The following SLC25A43 variants were observed in gnomAD, a reference collection of about 807,000 sequenced individuals.
SLC25A43 encodes the protein solute carrier family 25 member 43.
In SLC25A43, 10 loss-of-function variants were observed where a neutral mutation model predicts 22.8. That is an observed-to-expected ratio of 0.44 (90% confidence interval 0.27 to 0.74). The LOEUF is 0.74. Ranked by LOEUF, SLC25A43 falls within the 30% of genes least tolerant of loss-of-function variation. SLC25A43 has a pLI of 0.17. For synonymous variants in SLC25A43, 106 were observed against 121.6 expected, an observed-to-expected ratio of 0.87 and a Z score of 0.84; for missense variants, 233 against 279.1, an observed-to-expected ratio of 0.83 and a Z score of 1.18.
Position 119,399,453 on chromosome X carries a change from T to C in SLC25A43, c.50T>C (p.Leu17Pro). The C allele has an allele frequency of 9.6e-7, 1 of 1,043,247 alleles. No individual in the cohort carries two copies. Among genetic ancestry groups the C allele is most frequent in the Non-Finnish European group, 1.2e-6 (1 of 814,969 alleles). 86.0% of individuals were successfully genotyped at this position (1,043,247 alleles called of 1,213,427 possible). A position where few individuals can be genotyped will look rare whatever the true frequency, so the allele number is the denominator to read the frequency against. The change falls in exon 1 of 5, where the codon CTG becomes CCG. Residue 17 changes from leucine to proline, a missense_variant. Coordinates refer to ENST00000217909, the MANE Select transcript of SLC25A43 (RefSeq NM_145305.3). Reference protein sequence around the residue: ...DGRLTGGQRLLCAGLAGTLSL... With the variant: ...DGRLTGGQRLPCAGLAGTLSL... ...CGACTGACAGGCGGCCAAAGGCTGC[T>C]GTGCGCTGGGCTGGCGGGGACGCTC...
chrX:119,411,887 T>TA (rs886717632), intron 3 of SLC25A43, among the ~76,000 whole-genome samples: 1 of 111,959 alleles, frequency 8.9e-6, no homozygotes, highest in Non-Finnish European at 1.9e-5. Context: ...TAAAAATTTT[T>TA]AAAAAAATTC....
chrX:119,426,178 A>G (rs1462650989), intron 3 of SLC25A43: 4 of 752,820 alleles, frequency 5.3e-6, no homozygotes, highest in South Asian at 6.8e-5. Context: ...CCTTTTTTCC[A>G]CAGAGCTGTT....
At chrX:119,426,888 G>T (rs1401832261) in intron 3 of SLC25A43, among the ~76,000 whole-genome samples, 2 of 110,411 alleles carry the variant, frequency 1.8e-5, no homozygotes, top group African/African-American at 6.6e-5. Context: ...CAAATGAGCT[G>T]GGCTCACAGA....
At chrX:119,443,463 T>A (rs1459664917) in intron 3 of SLC25A43, among the ~76,000 whole-genome samples, 1 of 91,701 alleles carries the variant, frequency 1.1e-5, no homozygotes, top group Non-Finnish European at 2.2e-5. Flanking sequence ...TTTTTTTTTT[T>A]TTTGAGACAG....
At chrX:119,427,306 ACTAAC>A (rs937390725) in intron 3 of SLC25A43, among the ~76,000 whole-genome samples, 2 of 111,956 alleles carry the variant, frequency 1.8e-5, no homozygotes, top group African/African-American at 6.5e-5. Context: ...CAAGCTGAAT[ACTAAC>A]CTACTGTGGT....
intron 3 of SLC25A43, among the ~76,000 whole-genome samples, chrX:119,429,364 TATAA>T (rs2052534977): frequency 1.8e-5 from 2 of 112,083 alleles, no homozygotes; most frequent in African/African-American, 3.2e-5. Context: ...TTTACATCTT[TATAA>T]ATATTGTTCA....
intron 3 of SLC25A43, among the ~76,000 whole-genome samples, chrX:119,443,108 T>TTCTC (rs1302161108): frequency 1.1e-5 from 1 of 95,192 alleles, no homozygotes; most frequent in Non-Finnish European, 2.0e-5. Context: ...TCTTTTCCCA[T>TTCTC]TCTCTCTCTT....
At chrX:119,448,555 G>A (rs763757375) in intron 3 of SLC25A43, among the ~76,000 whole-genome samples, 123 of 110,796 alleles carry the variant, frequency 1.1e-3, no homozygotes, top group Non-Finnish European at 1.9e-3. Flanking sequence ...GTAACACCCC[G>A]GACATGCTCC....
chrX:119,412,728 T>TC (rs1444827195), intron 3 of SLC25A43, among the ~76,000 whole-genome samples: 3 of 112,619 alleles, frequency 2.7e-5, no homozygotes, highest in African/African-American at 9.7e-5. Flanking sequence ...TGCTTTGTTG[T>TC]ACATATTTGT....
At chrX:119,424,057 CAA>C (rs2052481132) in intron 3 of SLC25A43, among the ~76,000 whole-genome samples, 1 of 109,606 alleles carries the variant, frequency 9.1e-6, no homozygotes, top group Non-Finnish European at 1.9e-5. Flanking sequence ...TACTAAAACA[CAA>C]AAAATTAGCC....
chrX:119,408,320 A>G (rs2052316017), intron 2 of SLC25A43, among the ~76,000 whole-genome samples: 1 of 111,357 alleles, frequency 9.0e-6, no homozygotes, highest in Admixed American at 9.6e-5. Context: ...ATGAACTCCT[A>G]TTTATTCCTC....
chrX:119,425,966 G>T (rs1336429660), intron 3 of SLC25A43, among the ~76,000 whole-genome samples: 3 of 111,297 alleles, frequency 2.7e-5, no homozygotes, highest in Non-Finnish European at 5.7e-5. Flanking sequence ...TGACCACCCT[G>T]TGCTGAGCAG....
At chrX:119,414,620 A>G (rs1048914077) in intron 3 of SLC25A43, among the ~76,000 whole-genome samples, 1 of 111,671 alleles carries the variant, frequency 9.0e-6, no homozygotes, top group Non-Finnish European at 1.9e-5. Context: ...ATTTTATCTA[A>G]TTATATCTAT....
At chrX:119,404,740 T>C (rs888265280) in intron 1 of SLC25A43, among the ~76,000 whole-genome samples, 4 of 111,558 alleles carry the variant, frequency 3.6e-5, no homozygotes, top group African/African-American at 1.3e-4. Context: ...GTCCAATCTT[T>C]TGGTTTCCCT....
At chrX:119,416,286 C>T (rs1241604167) in intron 3 of SLC25A43, among the ~76,000 whole-genome samples, 1 of 109,547 alleles carries the variant, frequency 9.1e-6, no homozygotes, top group Non-Finnish European at 1.9e-5. Flanking sequence ...GTGGCGTGAT[C>T]TCAGCTCACT....
At chrX:119,452,659 T>G (rs1451801577) in intron 4 of SLC25A43, among the ~76,000 whole-genome samples, 1 of 111,584 alleles carries the variant, frequency 9.0e-6, no homozygotes, top group African/African-American at 3.3e-5. Context: ...GGTCATGCCC[T>G]TCAATCACTG....
chrX:119,447,234 G>A (rs971901262), intron 3 of SLC25A43, among the ~76,000 whole-genome samples: 1 of 111,476 alleles, frequency 9.0e-6, no homozygotes, highest in Non-Finnish European at 1.9e-5. Flanking sequence ...AATTACAGGC[G>A]TGAGCCACCA....
intron 2 of SLC25A43, among the ~76,000 whole-genome samples, chrX:119,406,941 T>G (rs997138578): frequency 2.7e-5 from 3 of 112,990 alleles, no homozygotes; most frequent in Non-Finnish European, 3.7e-5. Context: ...CTCAGCAAAC[T>G]GGTAAGAATG....
intron 3 of SLC25A43, among the ~76,000 whole-genome samples, chrX:119,447,395 T>C (rs2052676657): frequency 9.0e-6 from 1 of 111,289 alleles, no homozygotes; most frequent in Admixed American, 9.6e-5. Context: ...AGCCTCAACC[T>C]CATGGGCTCA....
Sources: gnomAD v4.1 joint callset for allele counts (sites outside exome capture counted in the v4.1 genomes callset) on GRCh38, gnomAD v4.1.1 for gene constraint, MANE v1.5 for transcripts, NCBI Gene and HGNC (gene_info 2026-07-23, HGNC 2026-07-21) for gene names.